Variants in ZNF385D observed in about 807,000 individuals in gnomAD.
ZNF385D encodes zinc finger protein 659.
In ZNF385D, 15 loss-of-function variants were observed where a neutral mutation model predicts 35.8. The ratio of observed to expected loss-of-function variants is 0.42; its 90% CI spans 0.28 to 0.64. The LOEUF (loss-of-function observed/expected upper bound fraction) is 0.64. Among genes scored for constraint, ZNF385D ranks in the 30% least tolerant of loss-of-function variants. The pLI is 0.23. For missense variants in ZNF385D, 474 were observed against 494.6 expected (o/e 0.96, Z 0.39); for synonymous variants, 212 against 186.8 (o/e 1.13, Z -1.10).
intron 2 of ZNF385D, among the ~76,000 whole-genome samples, chr3:22,271,764 T>C (rs1357558798): frequency 6.6e-6 from 1 of 151,888 alleles, no homozygotes; most frequent in Non-Finnish European, 1.5e-5. Context: ...CATCAAACCA[T>C]CCAGTCAGAC....
chr3:21,766,330 A>T (rs912749967), intron 3 of ZNF385D, among the ~76,000 whole-genome samples: 1 of 152,110 alleles, frequency 6.6e-6, no homozygotes. Flanking sequence ...AGTAATGAAG[A>T]ACATTTACTT....
At chr3:22,031,789 T>C (rs1321268880) in intron 3 of ZNF385D, among the ~76,000 whole-genome samples, 2 of 152,240 alleles carry the variant, frequency 1.3e-5, no homozygotes, top group East Asian at 1.9e-4. Context: ...TTCTACCGCA[T>C]GGTCACGCTG....
chr3:21,948,724 C>T (rs1274035628), intron 3 of ZNF385D, among the ~76,000 whole-genome samples: 1 of 151,848 alleles, frequency 6.6e-6, no homozygotes, highest in Non-Finnish European at 1.5e-5. Flanking sequence ...CATTCATTGT[C>T]ACTTTTTTCT....
At chr3:22,326,305 G>A (rs1405320203) in intron 2 of ZNF385D, among the ~76,000 whole-genome samples, 1 of 152,178 alleles carries the variant, frequency 6.6e-6, no homozygotes, top group East Asian at 1.9e-4. Flanking sequence ...GAGAGGTAAG[G>A]GAGAAAATTC....
intron 2 of ZNF385D, among the ~76,000 whole-genome samples, chr3:21,571,754 A>G (rs1447211700): frequency 1.3e-5 from 2 of 152,144 alleles, no homozygotes; most frequent in Non-Finnish European, 2.9e-5. Flanking sequence ...AATGACTTAT[A>G]TGGCTCAAAA....
At chr3:21,784,382 A>G (rs950346146) in intron 3 of ZNF385D, among the ~76,000 whole-genome samples, 2 of 152,148 alleles carry the variant, frequency 1.3e-5, no homozygotes, top group African/African-American at 4.8e-5. Context: ...GGCACCAAGA[A>G]TTTCTAAGGT....
intron 3 of ZNF385D, among the ~76,000 whole-genome samples, chr3:21,882,752 T>A (rs1220341385): frequency 6.6e-6 from 1 of 152,046 alleles, no homozygotes; most frequent in East Asian, 1.9e-4. Context: ...TAGCTTTCAA[T>A]TTTCATTAGA....
At chr3:22,157,506 A>G (rs1335358010) in intron 3 of ZNF385D, among the ~76,000 whole-genome samples, 1 of 151,984 alleles carries the variant, frequency 6.6e-6, no homozygotes, top group African/African-American at 2.4e-5. Flanking sequence ...TGAGAATAAG[A>G]TCTAGGTCAG....
intron 4 of ZNF385D, among the ~76,000 whole-genome samples, chr3:21,464,855 T>G (rs1026690): frequency 0.53 from 79,721 of 151,704 alleles, 22,358 homozygotes; most frequent in African/African-American, 0.72. Context: ...TGTAGAAATA[T>G]AACTCATTTG....
intron 3 of ZNF385D, among the ~76,000 whole-genome samples, chr3:21,538,899 CTTATG>C (rs796116561): frequency 5.9e-5 from 9 of 152,092 alleles, no homozygotes; most frequent in South Asian, 2.1e-4. Context: ...AATATTGCCA[CTTATG>C]TTGGGGTGAT....
chr3:21,815,086 G>A (rs2073089071), intron 3 of ZNF385D, among the ~76,000 whole-genome samples: 1 of 152,164 alleles, frequency 6.6e-6, no homozygotes, highest in African/African-American at 2.4e-5. Flanking sequence ...AATGGCTACT[G>A]GGTACGTAAC....
intron 3 of ZNF385D, among the ~76,000 whole-genome samples, chr3:21,543,613 TTTC>T (rs774471955): frequency 5.3e-5 from 8 of 152,194 alleles, no homozygotes; most frequent in Non-Finnish European, 8.8e-5. Context: ...AGCTTTAACT[TTTC>T]TTATGCAACT....
At chr3:22,058,102 G>A (rs573400843) in intron 3 of ZNF385D, among the ~76,000 whole-genome samples, 1 of 152,308 alleles carries the variant, frequency 6.6e-6, no homozygotes, top group African/African-American at 2.4e-5. Flanking sequence ...CTGACAGACA[G>A]CAGAAAGGAA....
chr3:22,338,698 ATTTTTTTT>A (rs562729331), intron 2 of ZNF385D, among the ~76,000 whole-genome samples: 174 of 125,414 alleles, frequency 1.4e-3, no homozygotes, highest in African/African-American at 5.2e-3. Context: ...TATTCATCTC[ATTTTTTTT>A]TTTTTTTTTT....
At chr3:21,654,632 C>T (rs2066018681) in intron 2 of ZNF385D, among the ~76,000 whole-genome samples, 1 of 152,020 alleles carries the variant, frequency 6.6e-6, no homozygotes, top group Non-Finnish European at 1.5e-5. Flanking sequence ...CTACCCCCAT[C>T]AGTCATAGAC....
chr3:22,131,861 A>C (rs978430126), intron 3 of ZNF385D, among the ~76,000 whole-genome samples: 1 of 152,184 alleles, frequency 6.6e-6, no homozygotes, highest in Non-Finnish European at 1.5e-5. Flanking sequence ...AGAAGGTATA[A>C]GTCAGGGAAA....
intron 2 of ZNF385D, among the ~76,000 whole-genome samples, chr3:22,363,429 G>GA (rs1030694519): frequency 6.6e-6 from 1 of 152,152 alleles, no homozygotes; most frequent in Non-Finnish European, 1.5e-5. Flanking sequence ...TAAAATGTTT[G>GA]AAGCTGGACA....
At chr3:22,307,028 G>A (rs1043250700) in intron 2 of ZNF385D, among the ~76,000 whole-genome samples, 4 of 152,056 alleles carry the variant, frequency 2.6e-5, no homozygotes, top group African/African-American at 9.7e-5. Context: ...CTCTGTAGAG[G>A]GGATTTACTC....
chr3:22,068,848 C>T (rs115811109), intron 3 of ZNF385D, among the ~76,000 whole-genome samples: 1,694 of 152,256 alleles, frequency 0.011, 30 homozygotes, highest in African/African-American at 0.038. Context: ...AACATGGGGC[C>T]CGCCCAAATA....
Sources: gnomAD v4.1 joint callset for allele counts (sites outside exome capture counted in the v4.1 genomes callset) on GRCh38, gnomAD v4.1.1 for gene constraint, MANE v1.5 for transcripts, NCBI Gene and HGNC (gene_info 2026-07-23, HGNC 2026-07-21) for gene names.